Variants in MYOF observed in about 807,000 individuals in gnomAD.
MYOF encodes the protein myoferlin.
Under a neutral mutation model 284.2 loss-of-function variants are expected in MYOF, and 244 were observed. That is an observed-to-expected ratio of 0.86 (90% confidence interval 0.77 to 0.95). The LOEUF is 0.95. Among genes scored for constraint, MYOF ranks in the 40% least tolerant of loss-of-function variants. The pLI, the probability that MYOF is intolerant of heterozygous loss-of-function variation, is 0.00. For missense variants in MYOF, 2,496 were observed against 2,560.6 expected, an observed-to-expected ratio of 0.97 and a Z score of 0.54; for synonymous variants, 904 against 919.7, an observed-to-expected ratio of 0.98 and a Z score of 0.31.
intron 7 of MYOF, among the ~76,000 whole-genome samples, chr10:93,405,791 AG>A (rs1175520826): frequency 7.6e-6 from 1 of 132,338 alleles, no homozygotes; most frequent in Non-Finnish European, 1.6e-5. Context: ...TATACAGGCT[AG>A]GATTTTTTTT....
chr10:93,388,885 G>C, intron 18 of MYOF, 145 bp downstream of exon 18: 1 of 1,091,506 alleles, frequency 9.2e-7, no homozygotes, highest in South Asian at 2.3e-5. Flanking sequence ...CCAGTGAGAT[G>C]ATCTCCACAG....
chr10:93,328,710 T>C, intron 45 of MYOF, 53 bp downstream of exon 45: 1 of 1,556,792 alleles, frequency 6.4e-7, no homozygotes, highest in Admixed American at 1.7e-5. Context: ...CCCAGCAATA[T>C]ATATGGGTTA....
chr10:93,401,201 T>A (rs553026780), intron 12 of MYOF, among the ~76,000 whole-genome samples: 1 of 152,170 alleles, frequency 6.6e-6, no homozygotes, highest in Non-Finnish European at 1.5e-5. Context: ...CAAAGGCAGG[T>A]ACTCAACAAG....
chr10:93,316,802 C>T lies in MYOF; in HGVS notation c.5610G>A (p.Trp1870Ter), dbSNP rs1181868255. 6 of 1,612,966 alleles carry T rather than the reference C, an allele frequency of 3.7e-6. No individual in the cohort carries two copies. Among genetic ancestry groups the T allele is most frequent in the Non-Finnish European group, 5.1e-6 (6 of 1,179,188 alleles). Residue 1870 changes from tryptophan (W) to a stop codon, truncating the protein, a stop_gained, in exon 50 of 54, where the codon TGG (tryptophan) becomes TGA (stop). Transcript: ENST00000359263. LOFTEE classifies it high-confidence loss of function. Reference sequence around the variant, plus strand: ...TTCGAAATTCCGTTTGGTCAATACTCCAGAAATGCTCCTAAAACAAAAAGA... The same window carrying T: ...TTCGAAATTCCGTTTGGTCAATACTTCAGAAATGCTCCTAAAACAAAAAGA... ...LCIVAKKEHF[W>*]SIDQTEFRIP...
chr10:93,418,103 C>G (rs1848208963), intron 5 of MYOF, among the ~76,000 whole-genome samples: 1 of 152,170 alleles, frequency 6.6e-6, no homozygotes, highest in Admixed American at 6.5e-5. Flanking sequence ...TGCCTGGCCT[C>G]TGCCTTTGAT....
intron 43 of MYOF, among the ~76,000 whole-genome samples, chr10:93,332,763 C>T (rs1009932376): frequency 3.7e-4 from 56 of 152,050 alleles, no homozygotes; most frequent in African/African-American, 1.1e-3. Context: ...AGGAGAATGG[C>T]GTGAACCCAG....
chr10:93,347,896 G>A (rs1311955105), intron 36 of MYOF, 114 bp from the exon 37 acceptor site: 5 of 1,046,882 alleles, frequency 4.8e-6, no homozygotes, highest in South Asian at 1.8e-5. Context: ...CAGAGGACTC[G>A]CAATAGTTCA....
intron 1 of MYOF, among the ~76,000 whole-genome samples, chr10:93,459,665 C>T (rs539431298): frequency 6.6e-6 from 1 of 152,320 alleles, no homozygotes; most frequent in East Asian, 1.9e-4. Context: ...ATGTGATGGG[C>T]TTGGCGTCTT....
chr10:93,357,160 TTC>T (rs1414325331), intron 29 of MYOF, among the ~76,000 whole-genome samples: 2 of 152,194 alleles, frequency 1.3e-5, no homozygotes, highest in African/African-American at 4.8e-5. Flanking sequence ...TCAAATTGCT[TTC>T]TGTTTCCTCA....
chr10:93,352,425 C>T (rs1258257153), intron 32 of MYOF, among the ~76,000 whole-genome samples: 1 of 152,070 alleles, frequency 6.6e-6, no homozygotes, highest in African/African-American at 2.4e-5. Flanking sequence ...TATTGAGTTC[C>T]AGGTCTCAAG....
At chr10:93,398,512 G>T (rs1847127062) in intron 13 of MYOF, among the ~76,000 whole-genome samples, 1 of 152,130 alleles carries the variant, frequency 6.6e-6, no homozygotes. Context: ...ATGACTTTTT[G>T]AATGAATCAA....
At chr10:93,359,423 A>C (rs1477904043) in intron 29 of MYOF, among the ~76,000 whole-genome samples, 1 of 152,230 alleles carries the variant, frequency 6.6e-6, no homozygotes, top group Non-Finnish European at 1.5e-5. Flanking sequence ...CCCATTTTGC[A>C]GATGAGAAAG....
chr10:93,409,385 G>A (rs547407322), intron 6 of MYOF, among the ~76,000 whole-genome samples, 188 bp downstream of exon 6: 57 of 152,318 alleles, frequency 3.7e-4, no homozygotes, highest in African/African-American at 1.4e-3. Flanking sequence ...CAGCTGGCTA[G>A]ACTAAACCCA....
At chr10:93,337,491 C>G in intron 40 of MYOF, 1 of 276,180 alleles carries the variant, frequency 3.6e-6, no homozygotes, top group Non-Finnish European at 6.8e-6. Context: ...GCAAAGAGCA[C>G]TATGACTTCT....
chr10:93,429,875 A>G (rs1848755718), intron 4 of MYOF, among the ~76,000 whole-genome samples: 1 of 152,144 alleles, frequency 6.6e-6, no homozygotes, highest in Non-Finnish European at 1.5e-5. Flanking sequence ...TTTAAAGCAC[A>G]TGCACTAGAG....
intron 9 of MYOF, among the ~76,000 whole-genome samples, chr10:93,403,449 C>T (rs562447429): frequency 6.6e-6 from 1 of 152,326 alleles, no homozygotes; most frequent in African/African-American, 2.4e-5. Context: ...CATGTGGCTA[C>T]TTGGTGGCAG....
In MYOF at chr10:93,363,982, G is replaced by A. The variant is rs1392004571; in HGVS notation, c.2847C>T (p.Ala949=). 3.1e-6 allele frequency: 5 copies of A among 1,614,118 alleles called. No homozygotes were observed. The highest frequency in any genetic ancestry group is 3.4e-6 in the Non-Finnish European group (4 of 1,180,006). The change falls in exon 27 of 54, where the codon GCC becomes GCT. Residue 949 remains alanine, a synonymous_variant. Coordinates refer to ENST00000359263, the MANE Select transcript of MYOF (RefSeq NM_013451.4). The stretch of plus-strand genomic sequence containing the variant: ...TCACCGCATCCGTGTAGGTGTCCTC[G>A]GCCGGCTTCCAGTCGCCCCCGGGGT... ...SRYPGGDWKP[A]EDTYTDANGD... is the part of the protein sequence containing the mutation.
intron 19 of MYOF, 133 bp downstream of exon 19, chr10:93,387,662 CAT>C: frequency 5.5e-6 from 4 of 721,682 alleles, no homozygotes; most frequent in Non-Finnish European, 9.9e-6. Context: ...AAGCGATCCT[CAT>C]AGGGCTGTTG....
chr10:93,380,854 C>A (rs981248804), intron 20 of MYOF, among the ~76,000 whole-genome samples: 1 of 152,220 alleles, frequency 6.6e-6, no homozygotes, highest in African/African-American at 2.4e-5. Flanking sequence ...GAGTCCCATT[C>A]ATTTTCCACT....
Sources: gnomAD v4.1 joint callset for allele counts (sites outside exome capture counted in the v4.1 genomes callset) on GRCh38, gnomAD v4.1.1 for gene constraint, MANE v1.5 for transcripts, NCBI Gene and HGNC (gene_info 2026-07-23, HGNC 2026-07-21) for gene names.